Variants in MACROD2 observed in about 807,000 individuals in gnomAD.
MACROD2 encodes ADP-ribose glycohydrolase MACROD2.
A neutral mutation model predicts 70.4 loss-of-function variants in MACROD2; 36 were observed. That is an observed-to-expected ratio of 0.51 (90% CI 0.39 to 0.68). The LOEUF is 0.68. Ranked by LOEUF, MACROD2 falls within the 30% of genes least tolerant of loss-of-function variation. The pLI, the probability that MACROD2 is intolerant of heterozygous loss-of-function variation, is 0.00. For missense variants in MACROD2, 496 were observed against 538.4 expected (o/e 0.92, Z 0.78); for synonymous variants, 172 against 178.8 (o/e 0.96, Z 0.30).
intron 5 of MACROD2, among the ~76,000 whole-genome samples, chr20:15,042,187 AT>A (rs1353716308): frequency 6.6e-6 from 1 of 152,182 alleles, no homozygotes; most frequent in East Asian, 1.9e-4. Context: ...TCTGTAGGTT[AT>A]TTTCATAACA....
intron 4 of MACROD2, among the ~76,000 whole-genome samples, chr20:14,529,322 T>A (rs1175626341): frequency 6.6e-6 from 1 of 152,210 alleles, no homozygotes; most frequent in Admixed American, 6.5e-5. Context: ...AATATATAAT[T>A]AAGAACCCAG....
At chr20:15,679,164 G>T (rs919260068) in intron 8 of MACROD2, among the ~76,000 whole-genome samples, 10 of 151,414 alleles carry the variant, frequency 6.6e-5, no homozygotes, top group Admixed American at 2.6e-4. Flanking sequence ...TGGAACCTGG[G>T]AGGTGGAGGT....
intron 4 of MACROD2, among the ~76,000 whole-genome samples, chr20:14,663,088 C>T (rs1196960712): frequency 6.6e-6 from 1 of 151,964 alleles, no homozygotes; most frequent in Admixed American, 6.6e-5. Context: ...AACCTAAATG[C>T]CCATCAGTGG....
chr20:14,719,439 A>G (rs971846267), intron 5 of MACROD2, among the ~76,000 whole-genome samples: 2 of 148,564 alleles, frequency 1.3e-5, no homozygotes, highest in Non-Finnish European at 3.0e-5. Flanking sequence ...TCTACTTCCC[A>G]CTACAGTTCT....
At chr20:15,823,175 A>G (rs565886984) in intron 8 of MACROD2, among the ~76,000 whole-genome samples, 4 of 152,328 alleles carry the variant, frequency 2.6e-5, no homozygotes, top group African/African-American at 9.6e-5. Flanking sequence ...AAAGTGAACT[A>G]TAAAATAGCT....
intron 5 of MACROD2, among the ~76,000 whole-genome samples, chr20:15,017,867 G>A (rs1276709217): frequency 2.6e-5 from 4 of 152,190 alleles, no homozygotes; most frequent in African/African-American, 9.6e-5. Flanking sequence ...AGTCCCTAGG[G>A]TGCACACAGC....
At chr20:14,704,873 G>C (rs1340338626) in intron 5 of MACROD2, among the ~76,000 whole-genome samples, 4 of 152,016 alleles carry the variant, frequency 2.6e-5, no homozygotes, top group Admixed American at 6.6e-5. Context: ...TCAAGGCCTG[G>C]CAGGGGCTGG....
At chr20:15,274,005 C>T (rs902011659) in intron 6 of MACROD2, among the ~76,000 whole-genome samples, 7 of 152,218 alleles carry the variant, frequency 4.6e-5, no homozygotes, top group East Asian at 1.9e-4. Context: ...ATTGTAATGA[C>T]GACTACATGG....
chr20:15,082,424 C>G (rs1244354944), intron 5 of MACROD2, among the ~76,000 whole-genome samples: 1 of 151,720 alleles, frequency 6.6e-6, no homozygotes, highest in African/African-American at 2.4e-5. Flanking sequence ...ATTGGTAATT[C>G]TCCTAACTCA....
chr20:14,118,877 A>C (rs2054545409), intron 3 of MACROD2, among the ~76,000 whole-genome samples: 1 of 137,478 alleles, frequency 7.3e-6, no homozygotes, highest in Non-Finnish European at 1.5e-5. Context: ...ACAGAGTCTG[A>C]CTCTCTTACC....
intron 5 of MACROD2, among the ~76,000 whole-genome samples, chr20:14,951,750 GATAAC>G (rs2074477878): frequency 6.6e-6 from 1 of 151,934 alleles, no homozygotes; most frequent in Non-Finnish European, 1.5e-5. Context: ...ATGCTTAAAA[GATAAC>G]CCCTTTGGCT....
At chr20:15,502,412 G>C (rs1489342252) in intron 8 of MACROD2, among the ~76,000 whole-genome samples, 1 of 152,170 alleles carries the variant, frequency 6.6e-6, no homozygotes, top group African/African-American at 2.4e-5. Flanking sequence ...GACAAGTTTG[G>C]AGAAATAGAC....
At chr20:15,554,429 C>G (rs983087913) in intron 8 of MACROD2, among the ~76,000 whole-genome samples, 4 of 151,784 alleles carry the variant, frequency 2.6e-5, no homozygotes, top group African/African-American at 9.7e-5. Context: ...TAATTTATAG[C>G]CTTGTAAATC....
chr20:15,959,023 A>T (rs1043192989), intron 12 of MACROD2, among the ~76,000 whole-genome samples: 2 of 152,220 alleles, frequency 1.3e-5, no homozygotes, highest in African/African-American at 4.8e-5. Context: ...CAAGCTGACA[A>T]TATAGTCATT....
At chr20:15,363,252 G>A (rs1398129409) in intron 6 of MACROD2, among the ~76,000 whole-genome samples, 2 of 152,218 alleles carry the variant, frequency 1.3e-5, no homozygotes, top group Non-Finnish European at 2.9e-5. Context: ...ACATGAAATC[G>A]TGTGGTGTGC....
intron 15 of MACROD2, among the ~76,000 whole-genome samples, chr20:16,005,201 C>G (rs947810885): frequency 3.3e-5 from 5 of 152,170 alleles, no homozygotes; most frequent in Non-Finnish European, 7.3e-5. Context: ...GGGCATAACT[C>G]TTGCTCAACT....
intron 1 of MACROD2, among the ~76,000 whole-genome samples, chr20:13,999,014 A>G (rs544708263): frequency 6.6e-6 from 1 of 152,074 alleles, no homozygotes; most frequent in South Asian, 2.1e-4. Flanking sequence ...GAACAGCCCT[A>G]ACATCCTCTT....
At chr20:14,762,579 C>T (rs923154802) in intron 5 of MACROD2, among the ~76,000 whole-genome samples, 8 of 152,080 alleles carry the variant, frequency 5.3e-5, no homozygotes, top group South Asian at 2.1e-4. Flanking sequence ...GGGTAAACTC[C>T]GCAAAAGTTC....
At chr20:14,570,425 T>C (rs192335095) in intron 4 of MACROD2, among the ~76,000 whole-genome samples, 122 of 152,096 alleles carry the variant, frequency 8.0e-4, no homozygotes, top group Non-Finnish European at 1.4e-3. Flanking sequence ...GTTGGTTACC[T>C]GAGTATGTTC....
Sources: gnomAD v4.1 joint callset for allele counts (sites outside exome capture counted in the v4.1 genomes callset) on GRCh38, gnomAD v4.1.1 for gene constraint, MANE v1.5 for transcripts, NCBI Gene and HGNC (gene_info 2026-07-23, HGNC 2026-07-21) for gene names.